NLGN1: variants seen among roughly 807,000 people sequenced by gnomAD.
NLGN1 encodes neuroligin 1, also known as neuroligin-1.
In NLGN1, 12 loss-of-function variants were observed where a neutral mutation model predicts 65.5. The ratio of observed to expected loss-of-function variants is 0.18; its 90% CI spans 0.12 to 0.30. NLGN1 has a LOEUF of 0.30. Ranked by LOEUF, NLGN1 falls within the 10% of genes least tolerant of loss-of-function variation. The pLI, the probability that NLGN1 is intolerant of heterozygous loss-of-function variation, is 1.00. For synonymous variants in NLGN1, 350 were observed against 359.5 expected, an observed-to-expected ratio of 0.97 and a Z score of 0.30; for missense variants, 750 against 1,007.1, an observed-to-expected ratio of 0.74 and a Z score of 3.46.
chr3:173,606,107 A>G (rs755556233), intron 3 of NLGN1, among the ~76,000 whole-genome samples: 1 of 152,036 alleles, frequency 6.6e-6, no homozygotes, highest in East Asian at 1.9e-4. Flanking sequence ...TTATTAAGGT[A>G]ATAGTGTTTT....
At chr3:173,516,703 A>C (rs893873953) in intron 2 of NLGN1, among the ~76,000 whole-genome samples, 2 of 152,062 alleles carry the variant, frequency 1.3e-5, no homozygotes, top group Admixed American at 6.6e-5. Context: ...TAGCTGATCA[A>C]CTTTATGTAT....
chr3:173,708,572 A>G (rs1457566532), intron 3 of NLGN1, among the ~76,000 whole-genome samples: 2 of 152,160 alleles, frequency 1.3e-5, no homozygotes, highest in Non-Finnish European at 2.9e-5. Context: ...TTAGGGCAAG[A>G]TATCTCAGAG....
intron 3 of NLGN1, chr3:173,644,832 C>G (rs1757996614): frequency 6.5e-6 from 1 of 152,972 alleles, no homozygotes; most frequent in Non-Finnish European, 1.5e-5. Context: ...GGCCAGGCCT[C>G]AGCCCTGTAG....
chr3:174,201,628 C>A (rs903325518), intron 4 of NLGN1, among the ~76,000 whole-genome samples: 7 of 152,140 alleles, frequency 4.6e-5, no homozygotes, highest in African/African-American at 1.7e-4. Context: ...AAGCAAGGAT[C>A]AAGATGTCAG....
chr3:174,257,419 G>A (rs1377684693), intron 4 of NLGN1, among the ~76,000 whole-genome samples: 1 of 152,096 alleles, frequency 6.6e-6, no homozygotes, highest in Non-Finnish European at 1.5e-5. Context: ...TATATCCAAA[G>A]GAATATTAAT....
chr3:173,739,511 AT>A (rs1774301273), intron 3 of NLGN1, among the ~76,000 whole-genome samples: 2 of 152,042 alleles, frequency 1.3e-5, no homozygotes, highest in Non-Finnish European at 2.9e-5. Flanking sequence ...TTAATTCAGG[AT>A]TTAATAGCAA....
intron 2 of NLGN1, among the ~76,000 whole-genome samples, chr3:173,491,577 C>T (rs1729171092): frequency 6.6e-6 from 1 of 151,636 alleles, no homozygotes; most frequent in Non-Finnish European, 1.5e-5. Context: ...GTGTATCTGC[C>T]AGGCTTTGGT....
At chr3:173,911,246 C>G (rs1292949138) in intron 4 of NLGN1, among the ~76,000 whole-genome samples, 2 of 152,156 alleles carry the variant, frequency 1.3e-5, no homozygotes, top group African/African-American at 4.8e-5. Context: ...ATTCTTTTCT[C>G]TAGCTTTGCT....
At chr3:173,484,937 T>C (rs976017313) in intron 2 of NLGN1, among the ~76,000 whole-genome samples, 5 of 151,956 alleles carry the variant, frequency 3.3e-5, no homozygotes, top group Admixed American at 2.0e-4. Flanking sequence ...CCCCTTCCAC[T>C]CTATAAGTCA....
chr3:173,624,335 A>C (rs1429936373), intron 3 of NLGN1, among the ~76,000 whole-genome samples: 1 of 152,160 alleles, frequency 6.6e-6, no homozygotes, highest in Admixed American at 6.6e-5. Context: ...GAATTCTAGT[A>C]AGGAGGATGA....
At chr3:174,264,591 T>G (rs1747635539) in intron 4 of NLGN1, among the ~76,000 whole-genome samples, 1 of 148,786 alleles carries the variant, frequency 6.7e-6, no homozygotes, top group Admixed American at 6.8e-5. Context: ...CTTCTAAATT[T>G]TTTTCAAAGT....
chr3:173,437,333 T>C (rs11721044), intron 2 of NLGN1, among the ~76,000 whole-genome samples: 26,322 of 152,130 alleles, frequency 0.17, 3,458 homozygotes, highest in African/African-American at 0.37. Flanking sequence ...TGAGAGGACT[T>C]GGTCATCTAC....
intron 2 of NLGN1, among the ~76,000 whole-genome samples, chr3:173,591,967 G>C (rs755195432): frequency 7.9e-5 from 12 of 152,250 alleles, no homozygotes; most frequent in Middle Eastern, 3.4e-3. Context: ...TCTCTTCTGA[G>C]CTCTTGAGTG....
At chr3:173,696,108 G>C (rs920458047) in intron 3 of NLGN1, among the ~76,000 whole-genome samples, 2 of 152,132 alleles carry the variant, frequency 1.3e-5, no homozygotes, top group Non-Finnish European at 2.9e-5. Context: ...CACTGAGCCT[G>C]GCCTTATTTA....
intron 3 of NLGN1, among the ~76,000 whole-genome samples, chr3:173,669,318 A>T (rs151244377): frequency 3.9e-4 from 59 of 152,328 alleles, no homozygotes; most frequent in African/African-American, 1.4e-3. Flanking sequence ...TGGGTGGCTT[A>T]GAACAACAGA....
chr3:173,538,419 A>G (rs1737821585), intron 2 of NLGN1, among the ~76,000 whole-genome samples: 1 of 152,244 alleles, frequency 6.6e-6, no homozygotes. Context: ...ACAATGCTGT[A>G]TGGAATATCA....
intron 2 of NLGN1, among the ~76,000 whole-genome samples, chr3:173,589,331 A>G (rs1173084039): frequency 6.6e-6 from 1 of 152,184 alleles, no homozygotes; most frequent in Admixed American, 6.5e-5. Flanking sequence ...TTCTAATGCT[A>G]CATATGCCTA....
At chr3:174,147,341 G>A (rs1340774745) in intron 4 of NLGN1, among the ~76,000 whole-genome samples, 1 of 150,914 alleles carries the variant, frequency 6.6e-6, no homozygotes, top group Non-Finnish European at 1.5e-5. Flanking sequence ...TTGCTACGCG[G>A]TGTAGGTCCA....
intron 4 of NLGN1, among the ~76,000 whole-genome samples, chr3:174,227,808 TGAA>T (rs1414034659): frequency 2.0e-5 from 3 of 152,058 alleles, no homozygotes; most frequent in African/African-American, 7.2e-5. Context: ...GTACAAATAA[TGAA>T]GAAAGAAGTT....
Sources: allele counts gnomAD v4.1 joint callset (sites outside exome capture counted in the v4.1 genomes callset), GRCh38; gene constraint gnomAD v4.1.1; transcripts MANE v1.5; gene names NCBI Gene and HGNC (gene_info 2026-07-23, HGNC 2026-07-21).